The following WARS1 variants were observed in gnomAD, a reference collection of about 807,000 sequenced individuals.
The protein encoded by WARS1 is tryptophan--tRNA ligase, cytoplasmic.
A neutral mutation model predicts 47.8 loss-of-function variants in WARS1; 17 were observed. The ratio of observed to expected loss-of-function variants is 0.36; its 90% confidence interval spans 0.24 to 0.53. The LOEUF is 0.53. WARS1 is among the 20% of genes least tolerant of loss of function. The pLI is 0.91. For synonymous variants in WARS1, 208 were observed against 228.1 expected, an observed-to-expected ratio of 0.91 and a Z score of 0.79; for missense variants, 434 against 608.0, an observed-to-expected ratio of 0.71 and a Z score of 3.01.
chr14:100,349,894 T>C (rs555098022), intron 6 of WARS1, among the ~76,000 whole-genome samples: 6 of 152,362 alleles, frequency 3.9e-5, no homozygotes, highest in Non-Finnish European at 5.9e-5. Flanking sequence ...GCCAAAGATA[T>C]AGATTTTGAG....
chr14:100,359,696 T>C (rs1260760190), intron 4 of WARS1, among the ~76,000 whole-genome samples: 1 of 152,176 alleles, frequency 6.6e-6, no homozygotes, highest in African/African-American at 2.4e-5. Context: ...GGTGATGAAA[T>C]GTTTTGGAAT....
Position 100,369,222 on chromosome 14 carries a change from C to A in WARS1, c.-37G>T. On this transcript the variant is annotated 5_prime_UTR_variant, in exon 2 of 11. It adds an upstream start codon to the 5' untranslated region. Transcript: ENST00000392882. ...CTCAGGAACTACGTTCACAGCCGGC[C>A]TGAGGTCAGAGGATTTGTTCAGCAG... The A allele has an allele frequency of 3.6e-6, 3 of 843,330 alleles. No homozygotes were observed. Among genetic ancestry groups the A allele is most frequent in the South Asian group, 2.3e-5 (1 of 43,690 alleles). 52.2% of individuals were successfully genotyped at this position (843,330 alleles called of 1,614,324 possible). A position where few individuals can be genotyped will look rare whatever the true frequency, so the allele number is the denominator to read the frequency against.
At position 100,361,940 on chromosome 14, in the gene WARS1, G is replaced by A. The variant is rs1895688939; in HGVS notation, c.100-19C>T. 6.2e-7 allele frequency: 1 copy of A among 1,612,396 alleles called. No individual in the cohort carries two copies. The highest frequency in any genetic ancestry group is 1.3e-5 in the African/African-American group (1 of 74,882). ...TTTCATCCTGAGAGAGGAAATAAAA[G>A]GGATGGCTAAAAGTATTACTAATAG... On this transcript the variant is annotated intron_variant, in intron 2 of 10. Coordinates refer to ENST00000392882, the MANE Select transcript of WARS1 (RefSeq NM_004184.4).
chr14:100,366,430 A>AC (rs1296780163), intron 2 of WARS1, among the ~76,000 whole-genome samples: 1 of 152,172 alleles, frequency 6.6e-6, no homozygotes, highest in Non-Finnish European at 1.5e-5. Context: ...CTTTCAGTGC[A>AC]CCCCCCAAAA....
At position 100,337,105 on chromosome 14, in the gene WARS1, G is replaced by T. The variant is rs909129151; in HGVS notation, c.1211C>A (p.Thr404Asn). Residue 404 changes from threonine (T) to asparagine (N), a missense_variant, in exon 10 of 11, where the codon ACC becomes AAC. By Grantham distance (65) the Thr-to-Asn change is moderately conservative (BLOSUM62 0). Transcript: ENST00000392882. ...CTTGTCGTCGTCCTCGAGGAAGAAG[G>T]TCAGGTACATGAAAGACACGTCCAC... The part of the protein sequence containing the change: ...CDVDVSFMYL[T>N]FFLEDDDKLE... 2 of 1,614,152 alleles carry T rather than the reference G, an allele frequency of 1.2e-6. No homozygotes were observed. The highest frequency in any genetic ancestry group is 1.3e-5 in the African/African-American group (1 of 75,044).
At chr14:100,350,261 G>C (rs547487711) in intron 6 of WARS1, among the ~76,000 whole-genome samples, 2 of 151,918 alleles carry the variant, frequency 1.3e-5, no homozygotes, top group African/African-American at 4.8e-5. Context: ...GTGTGGTGGC[G>C]GGCGCCTGTA....
At chr14:100,355,948 C>T (rs1300248269) in intron 4 of WARS1, among the ~76,000 whole-genome samples, 2 of 152,202 alleles carry the variant, frequency 1.3e-5, no homozygotes, top group Non-Finnish European at 2.9e-5. Context: ...AGCTGCTTTT[C>T]TTGTGTTTAT....
In WARS1 at chr14:100,365,495, G is replaced by A. The variant is rs1199283365; in HGVS notation, c.100-3574C>T. On this transcript the variant is annotated intron_variant, in intron 2 of 10. Transcript: ENST00000392882. ...CTTACGAGGCCAGGGCAGGAGAATC[G>A]CTCGAACTCAGGAGGCAGAGGTTGT... 10 of 266,420 alleles carry A rather than the reference G, an allele frequency of 3.8e-5. 1 individual carries two copies. Among genetic ancestry groups the A allele is most frequent in the Non-Finnish European group, 6.1e-5 (8 of 130,274 alleles). 16.5% of individuals were successfully genotyped at this position (266,420 alleles called of 1,614,324 possible). A position where few individuals can be genotyped will look rare whatever the true frequency, so the allele number is the denominator to read the frequency against.
chr14:100,358,228 G>C (rs1895451004), intron 4 of WARS1, among the ~76,000 whole-genome samples: 1 of 152,070 alleles, frequency 6.6e-6, no homozygotes, highest in Non-Finnish European at 1.5e-5. Flanking sequence ...CGCCTCCCGG[G>C]TTCATGCCAT....
intron 4 of WARS1, among the ~76,000 whole-genome samples, chr14:100,358,616 A>G (rs1205609009): frequency 2.6e-5 from 4 of 152,226 alleles, no homozygotes; most frequent in African/African-American, 9.6e-5. Flanking sequence ...ACAACCTTCG[A>G]TTAGTCAGTG....
intron 8 of WARS1, 144 bp from the exon 9 acceptor site, chr14:100,342,715 C>CTTT: frequency 5.2e-6 from 3 of 581,440 alleles, no homozygotes; most frequent in Non-Finnish European, 5.5e-6. Context: ...TCATCTTTTC[C>CTTT]TTTTTTTTTT....
At chr14:100,343,853 T>G (rs1555378854) in intron 7 of WARS1, among the ~76,000 whole-genome samples, 1 of 152,166 alleles carries the variant, frequency 6.6e-6, no homozygotes, top group Non-Finnish European at 1.5e-5. Context: ...CAGCATGGTC[T>G]CAATCTCTTG....
chr14:100,349,469 T>C (rs1396635289), intron 6 of WARS1, among the ~76,000 whole-genome samples: 2 of 152,022 alleles, frequency 1.3e-5, no homozygotes, highest in Non-Finnish European at 2.9e-5. Context: ...AGAGAGGAGC[T>C]CCTCCCATGC....
intron 6 of WARS1, among the ~76,000 whole-genome samples, chr14:100,348,173 C>T (rs1000713094): frequency 2.6e-5 from 4 of 152,212 alleles, no homozygotes; most frequent in Non-Finnish European, 4.4e-5. Context: ...TCACCTGGCC[C>T]CAAAGCCTAT....
Position 100,362,040 on chromosome 14 carries a change from T to A in WARS1, c.100-119A>T, listed in dbSNP as rs1257724746. ...TTTACACGTGTTACCTTAGTTAGTG[T>A]CACAACCCTACAAGGCAGGTATTGT... is the stretch of plus-strand genomic sequence containing the variant. On this transcript the variant is annotated intron_variant, in intron 2 of 10. Transcript: ENST00000392882. 18 of 1,029,320 alleles carry A rather than the reference T, an allele frequency of 1.7e-5. 1 individual carries two copies. The South Asian group carries it at 2.7e-4, about 16-fold the overall frequency. 63.8% of individuals were successfully genotyped at this position (1,029,320 alleles called of 1,614,324 possible).
Position 100,369,708 on chromosome 14 carries a change from C to T in WARS1, c.-73-450G>A, listed in dbSNP as rs1166137997. Reference sequence around the variant, plus strand: ...TTTTTTTTTTTTTGAGATGGAGTCTCGCTCTGCCACCCAGGCTGGAGTGCA... The same window carrying T: ...TTTTTTTTTTTTTGAGATGGAGTCTTGCTCTGCCACCCAGGCTGGAGTGCA... On this transcript the variant is annotated intron_variant, in intron 1 of 10. Coordinates refer to ENST00000392882, the MANE Select transcript of WARS1 (RefSeq NM_004184.4). Among the ~76,000 whole-genome samples, 8 of 150,746 alleles carry T rather than the reference C, an allele frequency of 5.3e-5. No individual in the cohort carries two copies. In the South Asian group the frequency reaches 6.3e-4, roughly 12 times the overall value.
At chr14:100,339,414 A>C (rs935144485) in intron 9 of WARS1, among the ~76,000 whole-genome samples, 39 of 151,932 alleles carry the variant, frequency 2.6e-4, no homozygotes, top group African/African-American at 8.7e-4. Flanking sequence ...ACACGGTGAA[A>C]CCCCGTCTCT....
intron 2 of WARS1, chr14:100,366,137 G>A (rs1365252716): frequency 2.2e-6 from 1 of 455,760 alleles, no homozygotes; most frequent in African/African-American, 2.0e-5. Context: ...AGTCTGCACA[G>A]TTGGGGCACT....
rs1036036707 is a variant in WARS1, at chr14:100,343,350, G to A, written c.864C>T (p.Ser288=). The change falls in exon 8 of 11, where the codon TCC becomes TCT. Residue 288 remains serine, a synonymous_variant. Coordinates refer to ENST00000392882, the MANE Select transcript of WARS1 (RefSeq NM_004184.4). ...AGATCTGTGGGAATGAGTTGCTGAA[G>A]GAGGGAGCAGCCTGGATGGCAGGAA... ...ISFPAIQAAP[S]FSNSFPQIFR... 8 of 1,613,254 alleles carry A rather than the reference G, an allele frequency of 5.0e-6. No homozygotes were observed. The highest frequency in any genetic ancestry group is 5.9e-6 in the Non-Finnish European group (7 of 1,179,506).
Sources: gnomAD v4.1 joint callset for allele counts (sites outside exome capture counted in the v4.1 genomes callset) on GRCh38, gnomAD v4.1.1 for gene constraint, MANE v1.5 for transcripts, NCBI Gene and HGNC (gene_info 2026-07-23, HGNC 2026-07-21) for gene names.